TMEM117: variants seen among roughly 807,000 people sequenced by gnomAD.
TMEM117 encodes transmembrane protein 117.
Under a neutral mutation model 52.4 loss-of-function variants are expected in TMEM117, and 27 were observed. That is an observed-to-expected ratio of 0.51 (90% CI 0.38 to 0.71). The LOEUF is 0.71. Among genes scored for constraint, TMEM117 ranks in the 30% least tolerant of loss-of-function variants. The pLI is 0.00. For missense variants in TMEM117, 556 were observed against 630.5 expected, an observed-to-expected ratio of 0.88 and a Z score of 1.26; for synonymous variants, 215 against 206.3, an observed-to-expected ratio of 1.04 and a Z score of -0.36.
intron 3 of TMEM117, among the ~76,000 whole-genome samples, chr12:43,958,191 C>T (rs866083797): frequency 2.6e-4 from 39 of 152,146 alleles, no homozygotes; most frequent in Admixed American, 3.3e-4. Flanking sequence ...TATATGCTTG[C>T]ATATGCATCT....
chr12:43,832,393 GA>G (rs1232656544), upstream of TMEM117, among the ~76,000 whole-genome samples: 1 of 152,212 alleles, frequency 6.6e-6, no homozygotes, highest in Admixed American at 6.5e-5. Context: ...TAGTGATTGG[GA>G]TGGAAGGAGA....
At chr12:44,090,687 G>A (rs1045202822) in intron 3 of TMEM117, among the ~76,000 whole-genome samples, 23 of 151,696 alleles carry the variant, frequency 1.5e-4, no homozygotes, top group African/African-American at 5.3e-4. Context: ...TGATCCACTC[G>A]CCTCAGCCTC....
At chr12:43,912,173 AAG>A in intron 2 of TMEM117, among the ~76,000 whole-genome samples, 1 of 150,324 alleles carries the variant, frequency 6.7e-6, no homozygotes, top group African/African-American at 2.4e-5. Flanking sequence ...AGCCATAAAA[AAG>A]GATGAGTTCA....
intron 3 of TMEM117, among the ~76,000 whole-genome samples, chr12:44,078,648 A>G (rs1701092): frequency 0.9 from 136,555 of 152,192 alleles, 61,572 homozygotes; most frequent in East Asian, 1. Context: ...TCTATTTGAG[A>G]TGCCTTACAA....
intron 3 of TMEM117, among the ~76,000 whole-genome samples, chr12:44,078,126 A>G (rs1947412231): frequency 6.6e-6 from 1 of 152,238 alleles, no homozygotes; most frequent in Non-Finnish European, 1.5e-5. Context: ...AAATGACGTA[A>G]TTATCCAAAA....
chr12:44,034,545 T>C (rs1946682293), intron 3 of TMEM117, among the ~76,000 whole-genome samples: 1 of 152,210 alleles, frequency 6.6e-6, no homozygotes, highest in African/African-American at 2.4e-5. Flanking sequence ...ATTCTGCAAA[T>C]GCAGAATTTA....
At chr12:44,018,895 T>C (rs1374073445) in intron 3 of TMEM117, among the ~76,000 whole-genome samples, 1 of 151,932 alleles carries the variant, frequency 6.6e-6, no homozygotes, top group Non-Finnish European at 1.5e-5. Context: ...AATGTTTGTA[T>C]TTTTAGTAGA....
intron 5 of TMEM117, among the ~76,000 whole-genome samples, chr12:44,294,114 A>T (rs995849582): frequency 2.2e-4 from 34 of 152,122 alleles, no homozygotes; most frequent in Non-Finnish European, 5.9e-5. Context: ...AACACTTTGA[A>T]TATATCATTC....
intron 4 of TMEM117, among the ~76,000 whole-genome samples, chr12:44,202,334 T>C (rs572476994): frequency 1.2e-3 from 179 of 152,302 alleles, no homozygotes; most frequent in Non-Finnish European, 2.3e-3. Flanking sequence ...AGTTTGTTTA[T>C]TTTTAACGTG....
chr12:43,966,154 G>T (rs965339929), intron 3 of TMEM117, among the ~76,000 whole-genome samples: 2 of 152,086 alleles, frequency 1.3e-5, no homozygotes, highest in Admixed American at 6.6e-5. Context: ...ATCCACCATT[G>T]ATAGGCACCT....
chr12:43,914,639 A>C (rs1225872288), intron 2 of TMEM117, among the ~76,000 whole-genome samples: 1 of 152,158 alleles, frequency 6.6e-6, no homozygotes, highest in Non-Finnish European at 1.5e-5. Context: ...GTCTGCATAT[A>C]AAAGAACAGT....
At position 44,338,552 on chromosome 12, in the gene TMEM117, C is replaced by T. The variant is rs1044871445; in HGVS notation, c.769-38043C>T. ...TGTGTAAAACATTTTAAAAATAGTG[C>T]GTGTCCATATAAATGTGCTATTACA... On this transcript the variant is annotated intron_variant, in intron 6 of 7. Coordinates refer to ENST00000266534, the MANE Select transcript of TMEM117 (RefSeq NM_032256.3). Among the ~76,000 whole-genome samples, 6 of 151,456 alleles carry T rather than the reference C, an allele frequency of 4.0e-5. No individual in the cohort carries two copies. In the South Asian group the frequency reaches 1.0e-3, roughly 26 times the overall value.
chr12:44,073,221 T>G (rs764586111), intron 3 of TMEM117, among the ~76,000 whole-genome samples: 1 of 152,206 alleles, frequency 6.6e-6, no homozygotes, highest in Non-Finnish European at 1.5e-5. Flanking sequence ...TTTGAACACT[T>G]ATTGTGCCTA....
At chr12:44,195,255 C>T (rs189868611) in intron 4 of TMEM117, among the ~76,000 whole-genome samples, 29 of 152,288 alleles carry the variant, frequency 1.9e-4, no homozygotes, top group South Asian at 6.2e-4. Context: ...GCTGAGGTCC[C>T]TGTTTCCTTT....
chr12:43,932,093 G>A (rs887668669), intron 2 of TMEM117, among the ~76,000 whole-genome samples: 5 of 152,082 alleles, frequency 3.3e-5, no homozygotes, highest in African/African-American at 1.2e-4. Context: ...CATATTTACA[G>A]TACACAGCAC....
chr12:43,933,912 T>C (rs965234349), intron 2 of TMEM117, among the ~76,000 whole-genome samples: 5 of 152,232 alleles, frequency 3.3e-5, no homozygotes, highest in Non-Finnish European at 5.9e-5. Flanking sequence ...TTTTGTTTAC[T>C]TTTACTTGAA....
At chr12:43,830,247 G>T in the TMEM117 span, among the ~76,000 whole-genome samples, 5 of 152,088 alleles carry the variant, frequency 3.3e-5, no homozygotes, top group Non-Finnish European at 7.4e-5. Context: ...ACCCCACCAC[G>T]CAAGTAACAG....
chr12:44,158,945 G>T (rs1302666624), intron 4 of TMEM117, among the ~76,000 whole-genome samples: 1 of 152,178 alleles, frequency 6.6e-6, no homozygotes, highest in African/African-American at 2.4e-5. Flanking sequence ...AAGTAGAGAA[G>T]AAAGGTGAGG....
chr12:43,919,156 A>G (rs886581804), intron 2 of TMEM117, among the ~76,000 whole-genome samples: 1 of 152,216 alleles, frequency 6.6e-6, no homozygotes, highest in African/African-American at 2.4e-5. Flanking sequence ...AACACTGGAC[A>G]TGAAGTATAC....
Sources: gnomAD v4.1 joint callset for allele counts (sites outside exome capture counted in the v4.1 genomes callset) on GRCh38, gnomAD v4.1.1 for gene constraint, MANE v1.5 for transcripts, NCBI Gene and HGNC (gene_info 2026-07-23, HGNC 2026-07-21) for gene names.